Variants in BRME1 observed in about 807,000 individuals in gnomAD.
BRME1 encodes the protein break repair meiotic recombinase recruitment factor 1.
In BRME1, 31 loss-of-function variants were observed where a neutral mutation model predicts 52.6. The ratio of observed to expected loss-of-function variants is 0.59; its 90% CI spans 0.44 to 0.80. The LOEUF (loss-of-function observed/expected upper bound fraction) is 0.80. BRME1 is among the 30% of genes least tolerant of loss of function. BRME1 has a pLI of 0.00. For synonymous variants in BRME1, 359 were observed against 353.6 expected (o/e 1.02, Z -0.17); for missense variants, 804 against 860.3 (o/e 0.93, Z 0.82).
rs1350628899 is a variant in BRME1, at chr19:13,888,045, C to T, written c.1668+1143G>A. On this transcript the variant is annotated intron_variant, in intron 6 of 8. Coordinates refer to ENST00000586783, the MANE Select transcript of BRME1 (RefSeq NM_001345843.2). The surrounding 1 kb of genome is among the most constrained non-coding windows in gnomAD (Gnocchi z 4.1). Reference sequence around the variant, plus strand: ...GTTCAAGTGATTCTTCTGCCTCAGCCTCCGGAGTAGCTGGGATTAGAGGCA... The same window carrying T: ...GTTCAAGTGATTCTTCTGCCTCAGCTTCCGGAGTAGCTGGGATTAGAGGCA... Among the ~76,000 whole-genome samples, 8 of 152,124 alleles carry T rather than the reference C, an allele frequency of 5.3e-5. No homozygotes were observed. The East Asian group carries it at 1.4e-3, about 26-fold the overall frequency.
chr19:13,890,334 C>T lies in BRME1; in HGVS notation c.522G>A (p.Gln174=), dbSNP rs758128875. The change falls in exon 6 of 9, where the codon CAG becomes CAA. Residue 174 remains glutamine, a synonymous_variant. Coordinates refer to ENST00000586783, the MANE Select transcript of BRME1 (RefSeq NM_001345843.2). ...CCGCCTGCACAGGGCTCTGGCTGCT[C>T]TGCTCAGGGCGGGCACTGTCTGCCT... is the stretch of plus-strand genomic sequence containing the variant. ...PTQADSARPE[Q]SSQSPVQAVP... is the part of the protein sequence containing the mutation. 3.1e-6 allele frequency: 5 copies of T among 1,595,634 alleles called. No individual in the cohort carries two copies. The highest frequency in any genetic ancestry group is 4.5e-5 in the East Asian group (2 of 44,814).
chr19:13,890,738 T>C (rs1024236435), intron 5 of BRME1, among the ~76,000 whole-genome samples: 1 of 152,060 alleles, frequency 6.6e-6, no homozygotes, highest in African/African-American at 2.4e-5. Flanking sequence ...ATGGTGGCAG[T>C]TGACTGTAGT....
At chr19:13,894,948 T>A (rs1182535515) in intron 3 of BRME1, among the ~76,000 whole-genome samples, 1 of 152,152 alleles carries the variant, frequency 6.6e-6, no homozygotes, top group Non-Finnish European at 1.5e-5. Context: ...TGGCATGATC[T>A]CAGCTTACTG....
At chr19:13,898,017 T>C (rs1319524863) in intron 2 of BRME1, among the ~76,000 whole-genome samples, 1 of 151,676 alleles carries the variant, frequency 6.6e-6, no homozygotes, top group Non-Finnish European at 1.5e-5. Context: ...GAGAATCGCT[T>C]GAATCCGGGG....
intron 2 of BRME1, among the ~76,000 whole-genome samples, chr19:13,903,966 G>A (rs750209216): frequency 3.9e-5 from 6 of 152,248 alleles, no homozygotes; most frequent in African/African-American, 1.2e-4. Flanking sequence ...GACTGGTTCC[G>A]CAGGGAGGCT....
intron 6 of BRME1, among the ~76,000 whole-genome samples, 194 bp from the exon 7 acceptor site, chr19:13,886,249 G>C (rs1969010825): frequency 6.6e-6 from 1 of 152,246 alleles, no homozygotes; most frequent in Non-Finnish European, 1.5e-5. Context: ...GAGGCTACCA[G>C]CCTGGGCTGC....
At chr19:13,891,138 A>T (rs7507822) in intron 5 of BRME1, among the ~76,000 whole-genome samples, 21,822 of 87,136 alleles carry the variant, frequency 0.25, 1,763 homozygotes, top group African/African-American at 0.3. Context: ...TTTCCTGTTT[A>T]TTATTATTAT....
chr19:13,889,741 CTGGG>C lies in BRME1; in HGVS notation c.1111_1114del (p.Pro371GlyfsTer41). On this transcript the variant is annotated frameshift_variant, in exon 6 of 9. Coordinates refer to ENST00000586783, the MANE Select transcript of BRME1 (RefSeq NM_001345843.2). LOFTEE classifies it high-confidence loss of function. ...GTGGCCTCCATCAGCGGCCTTCCTC[CTGGG>C]AGAGGCAGGTGATATGGCACTGGCC... 6.2e-7 allele frequency: 1 copy of C among 1,609,230 alleles called. No homozygotes were observed. Among genetic ancestry groups the C allele is most frequent in the South Asian group, 1.1e-5 (1 of 90,786 alleles).
At chr19:13,884,539 A>T (rs1475785612) in intron 7 of BRME1, among the ~76,000 whole-genome samples, 1 of 151,226 alleles carries the variant, frequency 6.6e-6, no homozygotes, top group East Asian at 1.9e-4. Context: ...GAAGTGGGAG[A>T]ATCATGCGAG....
At chr19:13,899,933 C>T (rs530219042) in intron 2 of BRME1, among the ~76,000 whole-genome samples, 1 of 152,218 alleles carries the variant, frequency 6.6e-6, no homozygotes, top group South Asian at 2.1e-4. Context: ...ACCCAGGCGG[C>T]GGAGGTTGCA....
intron 2 of BRME1, among the ~76,000 whole-genome samples, chr19:13,898,008 A>G (rs560915191): frequency 6.6e-6 from 1 of 150,690 alleles, no homozygotes; most frequent in African/African-American, 2.4e-5. Context: ...CTGAGGCAGG[A>G]GAATCGCTTG....
rs1046099837 is a variant in BRME1, at chr19:13,888,386, C to T, written c.1668+802G>A. Reference sequence around the variant, plus strand: ...ACCTCTAGCAGGCGCACGAACTCCTCCAGAGTCTTCACTGCCACACCCAGT... The same window carrying T: ...ACCTCTAGCAGGCGCACGAACTCCTTCAGAGTCTTCACTGCCACACCCAGT... On this transcript the variant is annotated intron_variant, in intron 6 of 8. Coordinates refer to ENST00000586783, the MANE Select transcript of BRME1 (RefSeq NM_001345843.2). The surrounding 1 kb of genome is among the most constrained non-coding windows in gnomAD (Gnocchi z 4.1). The T allele has an allele frequency of 6.6e-6, 1 of 152,344 alleles. No homozygotes were observed. Among genetic ancestry groups the T allele is most frequent in the Non-Finnish European group, 1.5e-5 (1 of 68,146 alleles). The allele number at this position is 152,344 out of a possible 1,614,324, so 9.4% of individuals were successfully genotyped here.
chr19:13,883,181 A>G lies in BRME1; in HGVS notation c.1856+127T>C. ...GGGAGGGGGGCCACGGTGAGGACCCAGCAGCAGTGAGGTGCCTGACCCTCG... is the reference window on the plus strand; with the variant it reads ...GGGAGGGGGGCCACGGTGAGGACCCGGCAGCAGTGAGGTGCCTGACCCTCG... On this transcript the variant is annotated intron_variant, in intron 8 of 8. Coordinates refer to ENST00000586783, the MANE Select transcript of BRME1 (RefSeq NM_001345843.2). This position sits in a 1 kb window ranked among gnomAD's most constrained non-coding sequence, Gnocchi z 4.2. 1 of 992,666 alleles carries G rather than the reference A, an allele frequency of 1.0e-6. No homozygotes were observed. The highest frequency in any genetic ancestry group is 2.6e-5 in the East Asian group (1 of 37,886). 61.5% of individuals were successfully genotyped at this position (992,666 alleles called of 1,614,324 possible). A position where few individuals can be genotyped will look rare whatever the true frequency, so the allele number is the denominator to read the frequency against.
Position 13,882,773 on chromosome 19 carries a change from G to A in BRME1, c.*29C>T, listed in dbSNP as rs1268959129. Reference sequence around the variant, plus strand: ...AGGTCTGCGGACATGGGGGCTGGGTGGCAAAGGAAACACAGACCTCAAAGT... The same window carrying A: ...AGGTCTGCGGACATGGGGGCTGGGTAGCAAAGGAAACACAGACCTCAAAGT... On this transcript the variant is annotated 3_prime_UTR_variant, in exon 9 of 9. Coordinates refer to ENST00000586783, the MANE Select transcript of BRME1 (RefSeq NM_001345843.2). 2.5e-6 allele frequency: 4 copies of A among 1,612,412 alleles called. No homozygotes were observed. The African/African-American group carries it at 4.0e-5, about 16-fold the overall frequency.
At chr19:13,893,960 T>C (rs556478411) in intron 3 of BRME1, among the ~76,000 whole-genome samples, 82 of 151,436 alleles carry the variant, frequency 5.4e-4, no homozygotes, top group Non-Finnish European at 1.0e-3. Context: ...CTGGAAAACC[T>C]GCTTTGAAAG....
At chr19:13,892,262 T>C (rs1190813779) in intron 5 of BRME1, among the ~76,000 whole-genome samples, 1 of 151,926 alleles carries the variant, frequency 6.6e-6, no homozygotes, top group Non-Finnish European at 1.5e-5. Context: ...ACACCGGAAA[T>C]TCACTCTGTA....
Position 13,890,048 on chromosome 19 carries a change from G to T in BRME1, c.808C>A (p.Gln270Lys). Residue 270 changes from glutamine (Q) to lysine (K), a missense_variant, in exon 6 of 9, where the codon CAG becomes AAG. This residue lies in a region of BRME1 where 552 missense variants were observed against 561.1 expected (regional missense o/e 0.98). Transcript: ENST00000586783. ...CAGGGGACACCGTCTCCCTCCTCCT[G>T]GGGCCCTCCAGGCAGGCCAGCCCCT... ...TAGAGLPGGP[Q>K]EEGDGVPCTP... is the part of the protein sequence containing the mutation. 6.2e-7 allele frequency: 1 copy of T among 1,613,470 alleles called. No individual in the cohort carries two copies. Among genetic ancestry groups the T allele is most frequent in the Non-Finnish European group, 8.5e-7 (1 of 1,179,810 alleles).
In BRME1 at chr19:13,883,061, G is replaced by C. The variant is rs188999965; in HGVS notation, c.1857-109C>G. 7.3e-7 allele frequency: 1 copy of C among 1,361,898 alleles called. No homozygotes were observed. The highest frequency in any genetic ancestry group is 1.0e-6 in the Non-Finnish European group (1 of 993,140). 84.4% of individuals were successfully genotyped at this position (1,361,898 alleles called of 1,614,324 possible). A position where few individuals can be genotyped will look rare whatever the true frequency, so the allele number is the denominator to read the frequency against. On this transcript the variant is annotated intron_variant, in intron 8 of 8. Transcript: ENST00000586783. This position sits in a 1 kb window ranked among gnomAD's most constrained non-coding sequence, Gnocchi z 4.2. ...CCAATGACTCAGGTGCACACACACG[G>C]CTCACACACGTGCACATAACCAGAA...
intron 5 of BRME1, 95 bp from the exon 6 acceptor site, chr19:13,890,557 T>C: frequency 8.0e-7 from 1 of 1,250,308 alleles, no homozygotes; most frequent in Non-Finnish European, 1.0e-6. Context: ...TTGCGGGTTT[T>C]GTCATTACTT....
Sources: gnomAD v4.1 joint callset for allele counts (sites outside exome capture counted in the v4.1 genomes callset) on GRCh38, gnomAD v4.1.1 for gene constraint, gnomAD v4.1.1 regional missense constraint, Gnocchi (gnomAD v3.1) non-coding constraint, MANE v1.5 for transcripts, NCBI Gene and HGNC (gene_info 2026-07-23, HGNC 2026-07-21) for gene names.